The following MAP9 variants were observed in gnomAD, a reference collection of about 807,000 sequenced individuals.
MAP9 encodes microtubule-associated protein 9.
In MAP9, 80 loss-of-function variants were observed where a neutral mutation model predicts 75.2. The observed-to-expected ratio is 1.06, with a 90% CI of 0.89 to 1.28. The LOEUF is 1.28. MAP9 is among the 50% of genes most tolerant of loss of function. MAP9 has a pLI of 0.00. For synonymous variants in MAP9, 235 were observed against 237.3 expected (o/e 0.99, Z 0.09); for missense variants, 753 against 719.9 (o/e 1.05, Z -0.53).
intron 7 of MAP9, among the ~76,000 whole-genome samples, chr4:155,358,814 A>G (rs147865994): frequency 6.6e-6 from 1 of 152,290 alleles, no homozygotes; most frequent in East Asian, 1.9e-4. Flanking sequence ...GAAACATGAA[A>G]AAAAATGTTC....
Position 155,362,125 on chromosome 4 carries a change from C to T in MAP9, c.725G>A (p.Ser242Asn), listed in dbSNP as rs763867613. 6.3e-6 allele frequency: 10 copies of T among 1,582,320 alleles called. No homozygotes were observed. Among genetic ancestry groups the T allele is most frequent in the Non-Finnish European group, 8.6e-6 (10 of 1,169,142 alleles). ...NLDPEDSCLT[S>N]LASSSLKQIL... The stretch of plus-strand genomic sequence containing the variant: ...TTGTTTAAGTGATGATGATGCTAGA[C>T]TTGTTAAGCATGAATCCTGTTTTCG... The change falls in exon 6 of 14, where the codon AGT becomes AAT. Residue 242 changes from serine to asparagine, a missense_variant. Ser to Asn is a conservative substitution (Grantham distance 46, BLOSUM62 1). Transcript: ENST00000311277.
chr4:155,362,292 C>T lies in MAP9; in HGVS notation c.709-151G>A, dbSNP rs868508445. 6 of 542,636 alleles carry T rather than the reference C, an allele frequency of 1.1e-5. No individual in the cohort carries two copies. The Middle Eastern group carries it at 1.4e-3, about 129-fold the overall frequency. 33.6% of individuals were successfully genotyped at this position (542,636 alleles called of 1,614,324 possible). On this transcript the variant is annotated intron_variant, in intron 5 of 13. Coordinates refer to ENST00000311277, the MANE Select transcript of MAP9 (RefSeq NM_001039580.2). ...TTTGTTGCTGAAACGCAAAGTGTGA[C>T]AAGCCAATGGAGGTAAGCATGCTTT...
intron 10 of MAP9, chr4:155,354,117 G>C (rs1290684488): frequency 1.3e-5 from 2 of 152,210 alleles, no homozygotes; most frequent in Non-Finnish European, 2.9e-5. Context: ...CAGATAGACA[G>C]GCACGCCCCC....
chr4:155,368,956 C>T (rs1488551918), intron 4 of MAP9, 144 bp from the exon 5 acceptor site: 8 of 640,998 alleles, frequency 1.2e-5, no homozygotes, highest in Non-Finnish European at 2.1e-5. Flanking sequence ...CACAACTCTT[C>T]TCTATACAGA....
At chr4:155,367,189 T>C (rs1732368537) in intron 5 of MAP9, 1 of 152,120 alleles carries the variant, frequency 6.6e-6, no homozygotes, top group African/African-American at 2.4e-5. Context: ...ATAGATAAGA[T>C]GAGGACACAC....
rs1409963550 is a variant in MAP9, at chr4:155,343,755, C to T, written c.*4028G>A. ...AATATCTTCTTAATAATTTTTAAAA[C>T]ATCCTAAATTTAATACCAAGAATTT... is the stretch of plus-strand genomic sequence containing the variant. On this transcript the variant is annotated 3_prime_UTR_variant, in exon 14 of 14. Transcript: ENST00000311277. The T allele has an allele frequency of 6.6e-6, 1 of 151,806 alleles. No individual in the cohort carries two copies. The highest frequency in any genetic ancestry group is 1.5e-5 in the Non-Finnish European group (1 of 67,812). 9.4% of individuals were successfully genotyped at this position (151,806 alleles called of 1,614,324 possible).
chr4:155,353,778 C>A (rs950639795), intron 10 of MAP9, among the ~76,000 whole-genome samples: 1 of 152,072 alleles, frequency 6.6e-6, no homozygotes, highest in Non-Finnish European at 1.5e-5. Flanking sequence ...CAGTAAGATG[C>A]AGATTTTTGG....
intron 5 of MAP9, among the ~76,000 whole-genome samples, chr4:155,363,892 T>G (rs192491396): frequency 6.6e-6 from 1 of 152,238 alleles, no homozygotes; most frequent in Admixed American, 6.5e-5. Flanking sequence ...TTTCAATGCA[T>G]GTGTAACTAC....
chr4:155,359,313 A>G (rs1478472417), intron 7 of MAP9, among the ~76,000 whole-genome samples: 1 of 151,872 alleles, frequency 6.6e-6, no homozygotes, highest in African/African-American at 2.4e-5. Flanking sequence ...ACTGGAGGCT[A>G]TTACCTTAAG....
chr4:155,373,113 T>A lies in MAP9; in HGVS notation c.481+23A>T, dbSNP rs202202634. 9.0e-6 allele frequency: 13 copies of A among 1,443,454 alleles called. No homozygotes were observed. In the African/African-American group the frequency reaches 1.1e-4, roughly 13 times the overall value. The allele number at this position is 1,443,454 out of a possible 1,614,324, so 89.4% of individuals were successfully genotyped here. Reference sequence around the variant, plus strand: ...TAAAATAAACTTCCAAGAAATGCAATTACAGTAATCCTAACAAATTACCTG... The same window carrying A: ...TAAAATAAACTTCCAAGAAATGCAAATACAGTAATCCTAACAAATTACCTG... On this transcript the variant is annotated intron_variant, in intron 4 of 13. Coordinates refer to ENST00000311277, the MANE Select transcript of MAP9 (RefSeq NM_001039580.2).
intron 5 of MAP9, 67 bp downstream of exon 5, chr4:155,368,519 T>G: frequency 7.7e-7 from 1 of 1,299,146 alleles, no homozygotes; most frequent in Non-Finnish European, 1.1e-6. Flanking sequence ...CTCCTTCTCT[T>G]TTTCATAATC....
At chr4:155,350,173 G>C in intron 13 of MAP9, 1 of 433,050 alleles carries the variant, frequency 2.3e-6, no homozygotes, top group South Asian at 1.7e-5. Flanking sequence ...TAAAAAGCTT[G>C]AGATGTTGTT....
chr4:155,368,750 A>G lies in MAP9; in HGVS notation c.544T>C (p.Leu182=). ...TCCTCCATGTGACTTTTCTTTTTCAACATACTCCTTGGCCGAGGTGATGGT... is the reference window on the plus strand; with the variant it reads ...TCCTCCATGTGACTTTTCTTTTTCAGCATACTCCTTGGCCGAGGTGATGGT... ...FKPSPRPRSM[L]KKKSHMEEKD... The change falls in exon 5 of 14, where the codon TTG becomes CTG. Residue 182 remains leucine (L), a synonymous_variant. Transcript: ENST00000311277. 1 of 1,613,926 alleles carries G rather than the reference A, an allele frequency of 6.2e-7. No individual in the cohort carries two copies. The highest frequency in any genetic ancestry group is 8.5e-7 in the Non-Finnish European group (1 of 1,179,876).
In MAP9 at chr4:155,353,296, G is replaced by A; in HGVS notation, c.1425C>T (p.Ala475=). 6.2e-7 allele frequency: 1 copy of A among 1,600,604 alleles called. No individual in the cohort carries two copies. The highest frequency in any genetic ancestry group is 8.5e-7 in the Non-Finnish European group (1 of 1,176,182). The part of the protein sequence containing the change: ...KREEALASFE[A]WKAMKEKEAK... ...CTTCCTTTTCTTTCATAGCCTTCCA[G>A]GCCTCAAATGATGCTAATGCTTCTT... Residue 475 remains alanine (A), a synonymous_variant, in exon 11 of 14, where the codon GCC becomes GCT. Transcript: ENST00000311277.
At chr4:155,369,054 G>A (rs1199415012) in intron 4 of MAP9, among the ~76,000 whole-genome samples, 2 of 152,138 alleles carry the variant, frequency 1.3e-5, no homozygotes, top group Non-Finnish European at 2.9e-5. Context: ...TGGGAGCGGT[G>A]ACTCACGCCT....
At chr4:155,374,049 T>G (rs1313668019) in intron 3 of MAP9, among the ~76,000 whole-genome samples, 1 of 152,206 alleles carries the variant, frequency 6.6e-6, no homozygotes, top group Admixed American at 6.5e-5. Context: ...TTTTAAAGAA[T>G]AAAACACCAG....
At chr4:155,363,534 T>G (rs1278993113) in intron 5 of MAP9, among the ~76,000 whole-genome samples, 1 of 151,968 alleles carries the variant, frequency 6.6e-6, no homozygotes, top group Middle Eastern at 3.2e-3. Context: ...GGGGAAAATA[T>G]ATGCATGATG....
chr4:155,360,162 A>G lies in MAP9; in HGVS notation c.1050+6T>C. The G allele has an allele frequency of 6.2e-7, 1 of 1,603,724 alleles. No individual in the cohort carries two copies. The highest frequency in any genetic ancestry group is 8.5e-7 in the Non-Finnish European group (1 of 1,172,418). ...TAGTATGAAAAGTATGAATTTTTAC[A>G]AATACCTTTGAAGATGCTGTTGCAC... On this transcript the variant is annotated splice_donor_region_variant and intron_variant, in intron 7 of 13. Coordinates refer to ENST00000311277, the MANE Select transcript of MAP9 (RefSeq NM_001039580.2).
Position 155,368,333 on chromosome 4 carries a change from T to C in MAP9, c.708+253A>G, listed in dbSNP as rs1732420704. The C allele has an allele frequency of 5.0e-6, 3 of 594,078 alleles. No individual in the cohort carries two copies. In the South Asian group the frequency reaches 6.5e-5, roughly 13 times the overall value. The allele number at this position is 594,078 out of a possible 1,614,324, so 36.8% of individuals were successfully genotyped here. A position where few individuals can be genotyped will look rare whatever the true frequency, so the allele number is the denominator to read the frequency against. On this transcript the variant is annotated intron_variant, in intron 5 of 13. Transcript: ENST00000311277. ...GATAAACTCTACAATCACTGGTGTG[T>C]TATAGTTTAATTGGATGCATTTCCT...
Sources: allele counts gnomAD v4.1 joint callset (sites outside exome capture counted in the v4.1 genomes callset), GRCh38; gene constraint gnomAD v4.1.1; transcripts MANE v1.5; gene names NCBI Gene and HGNC (gene_info 2026-07-23, HGNC 2026-07-21).